Variants in BAHD1 observed in about 807,000 individuals in gnomAD.
BAHD1 encodes bromo adjacent homology domain-containing 1 protein.
Under a neutral mutation model 63.1 loss-of-function variants are expected in BAHD1, and 20 were observed. That is an observed-to-expected ratio of 0.32 (90% confidence interval 0.22 to 0.46). The LOEUF is 0.46. Ranked by LOEUF, BAHD1 falls within the 20% of genes least tolerant of loss-of-function variation. BAHD1 has a pLI of 1.00. For synonymous variants in BAHD1, 408 were observed against 426.8 expected (o/e 0.96, Z 0.54); for missense variants, 939 against 1,071.8 (o/e 0.88, Z 1.73).
chr15:40,465,827 C>T (rs895201788), intron 6 of BAHD1, 114 bp from the exon 7 acceptor site: 21 of 1,121,824 alleles, frequency 1.9e-5, no homozygotes, highest in Admixed American at 4.8e-5. Flanking sequence ...AGTACCACCC[C>T]TTGGGGAGCT....
chr15:40,437,786 G>A (rs1893305758), upstream of BAHD1, among the ~76,000 whole-genome samples: 1 of 152,184 alleles, frequency 6.6e-6, no homozygotes, highest in Non-Finnish European at 1.5e-5. Context: ...GGTCTTCGGG[G>A]ACTGCAGCGG....
intron 1 of BAHD1, among the ~76,000 whole-genome samples, chr15:40,448,015 A>G (rs1893593586): frequency 6.6e-6 from 1 of 152,144 alleles, no homozygotes. Context: ...TTTGGGAGGC[A>G]GGCGGATCAC....
At chr15:40,450,711 A>G (rs1893674886) in intron 1 of BAHD1, among the ~76,000 whole-genome samples, 2 of 152,206 alleles carry the variant, frequency 1.3e-5, no homozygotes, top group East Asian at 1.9e-4. Context: ...GCAGTATGGC[A>G]TCTGGATGGG....
intron 1 of BAHD1, among the ~76,000 whole-genome samples, chr15:40,442,029 T>C (rs1893418720): frequency 6.7e-6 from 1 of 149,944 alleles, no homozygotes; most frequent in Admixed American, 6.6e-5. Flanking sequence ...GTCCGAGGTG[T>C]GGCGGGGGGA....
chr15:40,447,907 A>G (rs1345158323), intron 1 of BAHD1, among the ~76,000 whole-genome samples: 2 of 152,124 alleles, frequency 1.3e-5, no homozygotes. Context: ...TTATTCATTT[A>G]TTTATTTAGC....
At position 40,466,027 on chromosome 15, in the gene BAHD1, C is replaced by T. The variant is rs1261763811; in HGVS notation, c.2240C>T (p.Pro747Leu). ...CCCCCCTCTGCAGACTATTCCACCC[C>T]ACCCCACCGCACAGTGCCAGAGGAC... ...LVPPSADYSTPPHRTVPEDTD... is the reference protein window; with the variant it reads ...LVPPSADYSTLPHRTVPEDTD... Residue 747 changes from proline (P) to leucine (L), a missense_variant, in exon 7 of 7, where the codon CCA becomes CTA. Pro to Leu is a moderately conservative substitution (Grantham distance 98). Transcript: ENST00000416165. The T allele has an allele frequency of 6.2e-7, 1 of 1,613,972 alleles. No homozygotes were observed. The highest frequency in any genetic ancestry group is 1.3e-5 in the African/African-American group (1 of 74,942).
chr15:40,450,623 T>C (rs1318804035), intron 1 of BAHD1, among the ~76,000 whole-genome samples: 1 of 152,138 alleles, frequency 6.6e-6, no homozygotes, highest in Non-Finnish European at 1.5e-5. Flanking sequence ...TATTCCTGTT[T>C]TATTTCTCCC....
chr15:40,440,522 G>T (rs1197652718), upstream of BAHD1, among the ~76,000 whole-genome samples: 5 of 147,246 alleles, frequency 3.4e-5, no homozygotes, highest in Admixed American at 3.4e-4. Flanking sequence ...GGATTTGGGG[G>T]AAAGGGGATG....
chr15:40,456,380 C>G (rs1893850636), intron 1 of BAHD1, among the ~76,000 whole-genome samples: 1 of 152,118 alleles, frequency 6.6e-6, no homozygotes, highest in Non-Finnish European at 1.5e-5. Context: ...TTTTTAGGAG[C>G]TCTCCACCTG....
At chr15:40,451,165 A>C (rs1036558902) in intron 1 of BAHD1, among the ~76,000 whole-genome samples, 12 of 151,828 alleles carry the variant, frequency 7.9e-5, no homozygotes, top group Non-Finnish European at 1.0e-4. Flanking sequence ...AAAAAAAAAA[A>C]AAAAAAACTT....
intron 5 of BAHD1, 190 bp from the exon 6 acceptor site, chr15:40,465,145 G>C: frequency 1.7e-6 from 1 of 596,948 alleles, no homozygotes; most frequent in Non-Finnish European, 3.0e-6. Flanking sequence ...TGGAGAAGGG[G>C]GGGACCTAGA....
chr15:40,452,276 G>T (rs981651668), intron 1 of BAHD1, among the ~76,000 whole-genome samples: 1 of 151,882 alleles, frequency 6.6e-6, no homozygotes, highest in East Asian at 1.9e-4. Context: ...TGAGGCCCCT[G>T]CTCTCTCTCT....
chr15:40,452,044 T>C (rs1192199618), intron 1 of BAHD1, among the ~76,000 whole-genome samples: 2 of 152,226 alleles, frequency 1.3e-5, no homozygotes, highest in African/African-American at 4.8e-5. Flanking sequence ...AACTTCTAGA[T>C]ATGAGAGGTA....
intron 1 of BAHD1, among the ~76,000 whole-genome samples, chr15:40,444,754 C>T (rs2141469546): frequency 6.6e-6 from 1 of 152,310 alleles, no homozygotes; most frequent in African/African-American, 2.4e-5. Flanking sequence ...GGTTCACCAT[C>T]AACCCTGGAC....
chr15:40,451,260 T>G (rs986890585), intron 1 of BAHD1, among the ~76,000 whole-genome samples: 9 of 152,208 alleles, frequency 5.9e-5, no homozygotes, highest in Admixed American at 5.9e-4. Flanking sequence ...ACTGGGCTTT[T>G]GTTCCCACGG....
In BAHD1 at chr15:40,468,062, T is replaced by C. The variant is rs890415848; in HGVS notation, c.*1932T>C. On this transcript the variant is annotated 3_prime_UTR_variant, in exon 7 of 7. Transcript: ENST00000416165. ...AGCATAATCCATGTAAAATATATTT[T>C]AGTTGATATTTTGTAAAATGCACTT... 3.3e-5 allele frequency: 5 copies of C among 152,686 alleles called. No individual in the cohort carries two copies. Among genetic ancestry groups the C allele is most frequent in the African/African-American group, 4.8e-5 (2 of 41,472 alleles). The allele number at this position is 152,686 out of a possible 1,614,324, so 9.5% of individuals were successfully genotyped here.
In BAHD1 at chr15:40,459,377, G is replaced by A. The variant is rs767677936; in HGVS notation, c.913G>A (p.Glu305Lys). 6.2e-7 allele frequency: 1 copy of A among 1,612,804 alleles called. No homozygotes were observed. The highest frequency in any genetic ancestry group is 1.7e-5 in the Admixed American group (1 of 59,922). Residue 305 changes from glutamate (E) to lysine (K), a missense_variant, in exon 2 of 7, where the codon GAG (glutamate) becomes AAG (lysine). By Grantham distance (56) the Glu-to-Lys change is moderately conservative. Around this residue, in one of 5 missense-constraint regions of BAHD1, gnomAD observed 797 missense variants for 813.3 expected, o/e 0.98. Transcript: ENST00000416165. ...PSHQPLSKALESPLGLRPHLP... is the reference protein window; with the variant it reads ...PSHQPLSKALKSPLGLRPHLP... ...TCATCAGCCCCTGAGCAAGGCTCTG[G>A]AGAGCCCTTTGGGGCTGCGCCCTCA...
chr15:40,452,642 G>C (rs549767522), intron 1 of BAHD1, among the ~76,000 whole-genome samples: 12 of 152,160 alleles, frequency 7.9e-5, no homozygotes, highest in African/African-American at 2.9e-4. Flanking sequence ...CCTCACCCTT[G>C]TTTCCCCAGA....
intron 1 of BAHD1, among the ~76,000 whole-genome samples, chr15:40,445,683 T>C (rs1386125183): frequency 6.6e-6 from 1 of 152,212 alleles, no homozygotes; most frequent in Non-Finnish European, 1.5e-5. Flanking sequence ...TTAAAGGGCC[T>C]CCTTTTTATG....
Sources: gnomAD v4.1 joint callset for allele counts (sites outside exome capture counted in the v4.1 genomes callset) on GRCh38, gnomAD v4.1.1 for gene constraint, gnomAD v4.1.1 regional missense constraint, MANE v1.5 for transcripts, NCBI Gene and HGNC (gene_info 2026-07-23, HGNC 2026-07-21) for gene names.